NARS2: variants seen among roughly 807,000 people sequenced by gnomAD.
NARS2 encodes the protein asparaginyl-tRNA synthetase.
In NARS2, 60 loss-of-function variants were observed where a neutral mutation model predicts 62.9. That is an observed-to-expected ratio of 0.95 (90% CI 0.77 to 1.18). The LOEUF is 1.18. NARS2 is among the 50% of genes most tolerant of loss of function. The pLI, the probability that NARS2 is intolerant of heterozygous loss-of-function variation, is 0.00. For missense variants in NARS2, 619 were observed against 576.4 expected, an observed-to-expected ratio of 1.07 and a Z score of -0.76; for synonymous variants, 196 against 200.0, an observed-to-expected ratio of 0.98 and a Z score of 0.17.
intron 7 of NARS2, among the ~76,000 whole-genome samples, chr11:78,486,992 A>G (rs1282124867): frequency 1.3e-5 from 2 of 152,216 alleles, no homozygotes; most frequent in Non-Finnish European, 2.9e-5. Context: ...CATAATGAAG[A>G]CAAAAGAAGA....
chr11:78,461,783 CAAAA>C (rs56753439), intron 11 of NARS2, among the ~76,000 whole-genome samples: 1 of 93,094 alleles, frequency 1.1e-5, no homozygotes, highest in Non-Finnish European at 2.6e-5. Context: ...GTACCCACTA[CAAAA>C]AAAAAAAAAA....
chr11:78,541,965 G>T (rs558878224), intron 5 of NARS2, among the ~76,000 whole-genome samples: 1 of 152,144 alleles, frequency 6.6e-6, no homozygotes, highest in African/African-American at 2.4e-5. Context: ...CTATTAACAA[G>T]CCATATATGT....
chr11:78,437,796 G>C (rs981685389), intron 13 of NARS2, among the ~76,000 whole-genome samples: 1 of 151,906 alleles, frequency 6.6e-6, no homozygotes, highest in African/African-American at 2.4e-5. Flanking sequence ...CCAAAGTGGT[G>C]ATACCCCGTC....
chr11:78,543,528 C>T (rs902568614), intron 5 of NARS2, among the ~76,000 whole-genome samples: 14 of 152,030 alleles, frequency 9.2e-5, no homozygotes, highest in East Asian at 1.9e-4. Context: ...AAAGAAGAAA[C>T]GCTACTTTTC....
At chr11:78,489,694 T>A (rs889215004) in intron 7 of NARS2, among the ~76,000 whole-genome samples, 1 of 152,134 alleles carries the variant, frequency 6.6e-6, no homozygotes, top group African/African-American at 2.4e-5. Context: ...AAGATCTGTA[T>A]AATGAAGACT....
At chr11:78,456,055 CTTAT>C (rs1035734885) in intron 11 of NARS2, among the ~76,000 whole-genome samples, 1 of 152,096 alleles carries the variant, frequency 6.6e-6, no homozygotes, top group African/African-American at 2.4e-5. Flanking sequence ...CAAAGTTAAT[CTTAT>C]TTAGTTAAGT....
chr11:78,479,478 C>G (rs910931673), intron 7 of NARS2, among the ~76,000 whole-genome samples: 5 of 152,108 alleles, frequency 3.3e-5, no homozygotes, highest in African/African-American at 4.8e-5. Flanking sequence ...CACTGCAACT[C>G]CAGCCTAGGT....
chr11:78,553,119 T>A (rs751140462), intron 5 of NARS2, among the ~76,000 whole-genome samples: 6 of 152,118 alleles, frequency 3.9e-5, no homozygotes, highest in Non-Finnish European at 7.4e-5. Flanking sequence ...TGGCCAGCAC[T>A]GTTATTTTTT....
intron 4 of NARS2, among the ~76,000 whole-genome samples, 199 bp from the exon 5 acceptor site, chr11:78,559,818 A>G (rs1856496518): frequency 6.6e-6 from 1 of 152,216 alleles, no homozygotes; most frequent in Non-Finnish European, 1.5e-5. Context: ...TAATTCAGGA[A>G]CACACTTAGA....
chr11:78,553,151 G>C (rs1045219240), intron 5 of NARS2, among the ~76,000 whole-genome samples: 1 of 151,984 alleles, frequency 6.6e-6, no homozygotes, highest in Non-Finnish European at 1.5e-5. Context: ...TATCGCCACT[G>C]ACTGGTGTGA....
intron 11 of NARS2, among the ~76,000 whole-genome samples, chr11:78,449,839 G>A (rs56671498): frequency 0.016 from 2,452 of 152,222 alleles, 56 homozygotes; most frequent in African/African-American, 0.056. Flanking sequence ...GGTGAAGAAA[G>A]AGGGGAACAT....
intron 4 of NARS2, among the ~76,000 whole-genome samples, chr11:78,564,777 CT>C: frequency 6.6e-6 from 1 of 152,328 alleles, no homozygotes; most frequent in African/African-American, 2.4e-5. Flanking sequence ...AACTGGACCC[CT>C]ACAAACTATA....
chr11:78,499,909 T>C (rs1296748000), intron 6 of NARS2, among the ~76,000 whole-genome samples: 1 of 152,216 alleles, frequency 6.6e-6, no homozygotes, highest in African/African-American at 2.4e-5. Context: ...AAATTACCTA[T>C]ATAATTTTGT....
At chr11:78,467,256 A>G (rs1858659497) in intron 10 of NARS2, among the ~76,000 whole-genome samples, 1 of 152,220 alleles carries the variant, frequency 6.6e-6, no homozygotes, top group South Asian at 2.1e-4. Flanking sequence ...CCAATAAAAT[A>G]AAAAAGCTCT....
Position 78,574,395 on chromosome 11 carries a change from C to G in NARS2, c.94G>C (p.Asp32His). Residue 32 changes from aspartate to histidine, a missense_variant, in exon 1 of 14, where the codon GAC (aspartate) becomes CAC (histidine). Asp to His is a moderately conservative substitution (Grantham distance 81). Coordinates refer to ENST00000281038, the MANE Select transcript of NARS2 (RefSeq NM_024678.6). ...HKPSAKLSVR[D>H]ALGAQNASGE... The stretch of plus-strand genomic sequence containing the variant: ...CTCGCGTTCTGAGCCCCGAGAGCGT[C>G]CCGCACGCTCAGTTTGGCTGAAGGT... The G allele has an allele frequency of 6.2e-7, 1 of 1,614,254 alleles. No individual in the cohort carries two copies. The highest frequency in any genetic ancestry group is 8.5e-7 in the Non-Finnish European group (1 of 1,180,052).
chr11:78,566,304 T>G, intron 3 of NARS2, 32 bp from the exon 4 acceptor site: 1 of 1,540,832 alleles, frequency 6.5e-7, no homozygotes, highest in Non-Finnish European at 8.8e-7. Context: ...AAATTAGAAG[T>G]CAAAAGAGAT....
chr11:78,447,620 T>C (rs1205791796), intron 11 of NARS2, among the ~76,000 whole-genome samples: 3 of 152,042 alleles, frequency 2.0e-5, no homozygotes, highest in Admixed American at 1.3e-4. Flanking sequence ...AACAGATGAA[T>C]GGACAAATAT....
intron 10 of NARS2, among the ~76,000 whole-genome samples, chr11:78,468,310 G>GAAAAAAAAAAAAAAAA (rs764254167): frequency 1.2e-3 from 80 of 67,294 alleles, no homozygotes; most frequent in African/African-American, 3.6e-3. Flanking sequence ...CACTAAATCT[G>GAAAAAAAAAAAAAAAA]AAAAAAAAAA....
At chr11:78,454,679 C>A (rs764942494) in intron 11 of NARS2, among the ~76,000 whole-genome samples, 1 of 150,644 alleles carries the variant, frequency 6.6e-6, no homozygotes, top group Non-Finnish European at 1.5e-5. Context: ...AGTGCAGTGG[C>A]GTGATCTCGG....
Sources: gnomAD v4.1 joint callset for allele counts (sites outside exome capture counted in the v4.1 genomes callset) on GRCh38, gnomAD v4.1.1 for gene constraint, MANE v1.5 for transcripts, NCBI Gene and HGNC (gene_info 2026-07-23, HGNC 2026-07-21) for gene names.